The following ZC2HC1B variants were observed in gnomAD, a reference collection of about 807,000 sequenced individuals.
ZC2HC1B encodes zinc finger C2HC domain-containing protein 1B.
In ZC2HC1B, 36 loss-of-function variants were observed where a neutral mutation model predicts 31.0. The observed-to-expected ratio is 1.16, with a 90% confidence interval of 0.89 to 1.54. The LOEUF (loss-of-function observed/expected upper bound fraction) is 1.54. Among genes scored for constraint, ZC2HC1B ranks in the 40% most tolerant of loss-of-function variants. ZC2HC1B has a pLI of 0.00. For synonymous variants in ZC2HC1B, 73 were observed against 88.0 expected, an observed-to-expected ratio of 0.83 and a Z score of 0.95; for missense variants, 260 against 268.6, an observed-to-expected ratio of 0.97 and a Z score of 0.22.
At position 143,895,307 on chromosome 6, in the gene ZC2HC1B, C is replaced by T. The variant is rs952898582; in HGVS notation, c.350-3245C>T. On this transcript the variant is annotated intron_variant, in intron 4 of 7. Coordinates refer to ENST00000237275, the MANE Select transcript of ZC2HC1B (RefSeq NM_001013623.3). The surrounding 1 kb of genome is among the most constrained non-coding windows in gnomAD (Gnocchi z 4.8). ...CCTCCTGAGTAGCTGGGATTACAGG[C>T]GCCCGCCACCACGCCCAGCTGATTT... is the stretch of plus-strand genomic sequence containing the variant. 5.3e-5 allele frequency among the ~76,000 whole-genome samples: 8 copies of T among 152,070 alleles called. No homozygotes were observed. Among genetic ancestry groups the T allele is most frequent in the Non-Finnish European group, 4.4e-5 (3 of 68,016 alleles).
rs1562343386 is a variant in ZC2HC1B, at chr6:143,903,796, C to T, written c.598+644C>T. Among the ~76,000 whole-genome samples the T allele has an allele frequency of 6.6e-6, 1 of 152,154 alleles. No homozygotes were observed. The highest frequency in any genetic ancestry group is 1.5e-5 in the Non-Finnish European group (1 of 68,040). On this transcript the variant is annotated intron_variant, in intron 6 of 7. Coordinates refer to ENST00000237275, the MANE Select transcript of ZC2HC1B (RefSeq NM_001013623.3). This position sits in a 1 kb window ranked among gnomAD's most constrained non-coding sequence, Gnocchi z 4.3. The stretch of plus-strand genomic sequence containing the variant: ...TCCTCCTGTATACACTAAATCATCT[C>T]CAGATTACTTATAATACCTAAGGCA...
chr6:143,894,901 G>A (rs1294970860), intron 4 of ZC2HC1B, among the ~76,000 whole-genome samples: 19 of 152,002 alleles, frequency 1.2e-4, no homozygotes, highest in Admixed American at 1.2e-3. Context: ...CTAAAATGTG[G>A]GGATTATTGT....
intron 4 of ZC2HC1B, among the ~76,000 whole-genome samples, chr6:143,892,636 A>G (rs1237206762): frequency 6.6e-6 from 1 of 152,194 alleles, no homozygotes; most frequent in East Asian, 1.9e-4. Flanking sequence ...GGGAGCTAAT[A>G]GAGCAAGAAC....
rs1562347336 is a variant in ZC2HC1B at position 143,921,501 on chromosome 6, A to G, written c.599-16148A>G. Among the ~76,000 whole-genome samples the G allele has an allele frequency of 6.6e-6, 1 of 152,242 alleles. No homozygotes were observed. The highest frequency in any genetic ancestry group is 1.5e-5 in the Non-Finnish European group (1 of 68,040). On this transcript the variant is annotated intron_variant, in intron 6 of 7. Coordinates refer to ENST00000237275, the MANE Select transcript of ZC2HC1B (RefSeq NM_001013623.3). The surrounding 1 kb of genome is among the most constrained non-coding windows in gnomAD (Gnocchi z 6.1). The stretch of plus-strand genomic sequence containing the variant: ...GAGGAGAAGTGGAAATCTTGATTCT[A>G]TCATTTCACACTCAAATTATTATCA...
rs1778148856 is a variant in ZC2HC1B at position 143,933,809 on chromosome 6, T to C, written c.599-3840T>C. 6.6e-6 allele frequency among the ~76,000 whole-genome samples: 1 copy of C among 152,214 alleles called. No individual in the cohort carries two copies. Among genetic ancestry groups the C allele is most frequent in the South Asian group, 2.1e-4 (1 of 4,828 alleles). On this transcript the variant is annotated intron_variant, in intron 6 of 7. Transcript: ENST00000237275. The surrounding 1 kb of genome is among the most constrained non-coding windows in gnomAD (Gnocchi z 6.4). ...CCACACCTTTGCCAATCTGCCACAC[T>C]GTCAGCCGCATCTCCACTGTGCTTT... is the stretch of plus-strand genomic sequence containing the variant.
rs1582964796 is a variant in ZC2HC1B at position 143,902,989 on chromosome 6, C to G, written c.490-55C>G. ...GAACAGCTGTACCTCCTATGTGGCACCTGAGGTTACATACAGAAGGTGTTC... is the reference window on the plus strand; with the variant it reads ...GAACAGCTGTACCTCCTATGTGGCAGCTGAGGTTACATACAGAAGGTGTTC... On this transcript the variant is annotated intron_variant, in intron 5 of 7. Coordinates refer to ENST00000237275, the MANE Select transcript of ZC2HC1B (RefSeq NM_001013623.3). 2.0e-6 allele frequency: 3 copies of G among 1,508,410 alleles called. No individual in the cohort carries two copies. The East Asian group carries it at 7.4e-5, about 37-fold the overall frequency. 93.4% of individuals were successfully genotyped at this position (1,508,410 alleles called of 1,614,324 possible).
rs564350262 is a variant in ZC2HC1B at position 143,903,227 on chromosome 6, G to A, written c.598+75G>A. On this transcript the variant is annotated intron_variant, in intron 6 of 7. Coordinates refer to ENST00000237275, the MANE Select transcript of ZC2HC1B (RefSeq NM_001013623.3). This position sits in a 1 kb window ranked among gnomAD's most constrained non-coding sequence, Gnocchi z 4.3. ...ATCACTGTTGGGTTTGGGATTCACT[G>A]GTAGTCTGCAAAAGCTCTAAGACAT... 1.5e-6 allele frequency: 2 copies of A among 1,310,162 alleles called. No homozygotes were observed. The highest frequency in any genetic ancestry group is 2.5e-5 in the South Asian group (2 of 78,444). The allele number at this position is 1,310,162 out of a possible 1,614,324, so 81.2% of individuals were successfully genotyped here. A position where few individuals can be genotyped will look rare whatever the true frequency, so the allele number is the denominator to read the frequency against.
intron 6 of ZC2HC1B, among the ~76,000 whole-genome samples, chr6:143,931,340 C>A (rs1204472057): frequency 6.6e-6 from 1 of 152,130 alleles, no homozygotes; most frequent in African/African-American, 2.4e-5. Flanking sequence ...CTGTTTTATT[C>A]TTCATGCTAG....
chr6:143,897,821 CTG>C (rs1249626898), intron 4 of ZC2HC1B, among the ~76,000 whole-genome samples: 2 of 152,194 alleles, frequency 1.3e-5, no homozygotes, highest in Non-Finnish European at 2.9e-5. Context: ...CTCTGTAACT[CTG>C]TAACTTCTCT....
At chr6:143,937,490 C>T (rs1778192240) in intron 6 of ZC2HC1B, among the ~76,000 whole-genome samples, 159 bp from the exon 7 acceptor site, 1 of 151,044 alleles carries the variant, frequency 6.6e-6, no homozygotes, top group African/African-American at 2.4e-5. Context: ...CTGTAGCTAC[C>T]CCACCCTCAT....
intron 6 of ZC2HC1B, among the ~76,000 whole-genome samples, chr6:143,931,784 A>G (rs1294985694): frequency 2.7e-5 from 4 of 150,630 alleles, no homozygotes; most frequent in African/African-American, 7.3e-5. Context: ...TTGACTTTTG[A>G]TAACCTGATG....
intron 6 of ZC2HC1B, among the ~76,000 whole-genome samples, chr6:143,919,168 T>C (rs1197945365): frequency 6.6e-6 from 1 of 151,866 alleles, no homozygotes; most frequent in African/African-American, 2.4e-5. Flanking sequence ...CCTAATAATA[T>C]GTAACTGTGG....
rs771611792 is a variant in ZC2HC1B at position 143,898,640 on chromosome 6, C to T, written c.438C>T (p.Arg146=). Residue 146 remains arginine (R), a synonymous_variant, in exon 5 of 8, where the codon CGC becomes CGT. Transcript: ENST00000237275. The part of the protein sequence containing the change: ...HTNFCKDQSS[R]RVFNPAQTAA... ...ATTTCTGCAAGGATCAGTCTTCTCG[C>T]CGAGTCTTTAATCCAGCTCAGACAG... 240 of 1,551,884 alleles carry T rather than the reference C, an allele frequency of 1.5e-4. No homozygotes were observed. The highest frequency in any genetic ancestry group is 2.0e-4 in the Non-Finnish European group (227 of 1,147,068).
intron 6 of ZC2HC1B, among the ~76,000 whole-genome samples, chr6:143,925,112 G>A (rs908242996): frequency 6.6e-5 from 10 of 150,860 alleles, no homozygotes; most frequent in African/African-American, 1.2e-4. Context: ...AAGACATCCG[G>A]TGCTGAGCTT....
Position 143,915,404 on chromosome 6 carries a change from CA to C in ZC2HC1B, c.598+12253del, listed in dbSNP as rs1442673166. Among the ~76,000 whole-genome samples, 2 of 152,146 alleles carry C rather than the reference CA, an allele frequency of 1.3e-5. No homozygotes were observed. Among genetic ancestry groups the C allele is most frequent in the Non-Finnish European group, 1.5e-5 (1 of 68,022 alleles). On this transcript the variant is annotated intron_variant, in intron 6 of 7. Coordinates refer to ENST00000237275, the MANE Select transcript of ZC2HC1B (RefSeq NM_001013623.3). This position sits in a 1 kb window ranked among gnomAD's most constrained non-coding sequence, Gnocchi z 5.2. The stretch of plus-strand genomic sequence containing the variant: ...CCAGCCTTGGGTATGTCTTTTTCGG[CA>C]GCATGAAAACAGACGAATACAGTAA...
chr6:143,886,932 A>G lies in ZC2HC1B; in HGVS notation c.349+111A>G. 1 of 1,051,074 alleles carries G rather than the reference A, an allele frequency of 9.5e-7. No individual in the cohort carries two copies. The highest frequency in any genetic ancestry group is 1.3e-6 in the Non-Finnish European group (1 of 787,414). 65.1% of individuals were successfully genotyped at this position (1,051,074 alleles called of 1,614,324 possible). ...ATAACAATTACATAGAAGTAATTTT[A>G]TTAATTATATAAAAGTAAACATCCT... On this transcript the variant is annotated intron_variant, in intron 4 of 7. Coordinates refer to ENST00000237275, the MANE Select transcript of ZC2HC1B (RefSeq NM_001013623.3). This position sits in a 1 kb window ranked among gnomAD's most constrained non-coding sequence, Gnocchi z 4.2.
rs538496073 is a variant in ZC2HC1B at position 143,934,591 on chromosome 6, G to A, written c.599-3058G>A. 1.3e-5 allele frequency among the ~76,000 whole-genome samples: 2 copies of A among 152,234 alleles called. No homozygotes were observed. The highest frequency in any genetic ancestry group is 3.9e-4 in the East Asian group (2 of 5,192). On this transcript the variant is annotated intron_variant, in intron 6 of 7. Coordinates refer to ENST00000237275, the MANE Select transcript of ZC2HC1B (RefSeq NM_001013623.3). This position sits in a 1 kb window ranked among gnomAD's most constrained non-coding sequence, Gnocchi z 4.6. ...GTCACTTCTTCCAATTTTTGAATTG[G>A]CCTTCATAGGAAAGACTTCTTCCTA...
In ZC2HC1B at chr6:143,886,836, T is replaced by G; in HGVS notation, c.349+15T>G. On this transcript the variant is annotated intron_variant, in intron 4 of 7. Transcript: ENST00000237275. This position sits in a 1 kb window ranked among gnomAD's most constrained non-coding sequence, Gnocchi z 4.2. Reference sequence around the variant, plus strand: ...CTTGAACCCAGGTGTGTAGACATTTTGGGTTGCTTTTGAGGCTATGCTTGA... The same window carrying G: ...CTTGAACCCAGGTGTGTAGACATTTGGGGTTGCTTTTGAGGCTATGCTTGA... The G allele has an allele frequency of 6.7e-7, 1 of 1,497,640 alleles. No individual in the cohort carries two copies. The highest frequency in any genetic ancestry group is 1.3e-5 in the South Asian group (1 of 75,448). The allele number at this position is 1,497,640 out of a possible 1,614,324, so 92.8% of individuals were successfully genotyped here.
chr6:143,873,925 T>G (rs537475922), intron 1 of ZC2HC1B, among the ~76,000 whole-genome samples: 3 of 152,382 alleles, frequency 2.0e-5, no homozygotes, highest in East Asian at 3.9e-4. Flanking sequence ...TTGCTACTTA[T>G]GCAAATTTCT....
Sources: allele counts gnomAD v4.1 joint callset (sites outside exome capture counted in the v4.1 genomes callset), GRCh38; gene constraint gnomAD v4.1.1; non-coding constraint Gnocchi (gnomAD v3.1); transcripts MANE v1.5; gene names NCBI Gene and HGNC (gene_info 2026-07-23, HGNC 2026-07-21).